The following CFAP96 variants were observed in gnomAD, a reference collection of about 807,000 sequenced individuals.
The protein encoded by CFAP96 is cilia and flagella associated protein 96, also known as cilia-and flagella-associated protein 96.
chr4:185,418,047 A>AACACACACACAC, the CFAP96 span, among the ~76,000 whole-genome samples: 1,702 of 143,026 alleles, frequency 0.012, 17 homozygotes, highest in African/African-American at 0.028. Flanking sequence ...TCCATCTCAA[A>AACACACACACAC]ACACACACAC....
At chr4:185,424,727 T>G in the CFAP96 span, among the ~76,000 whole-genome samples, 2 of 152,214 alleles carry the variant, frequency 1.3e-5, no homozygotes, top group African/African-American at 2.4e-5. Flanking sequence ...ATACTGAAGA[T>G]AAAAGTTAGA....
the CFAP96 span, among the ~76,000 whole-genome samples, chr4:185,434,480 CAT>C: frequency 3.3e-5 from 5 of 152,102 alleles, no homozygotes; most frequent in Admixed American, 1.3e-4. Flanking sequence ...AACTTTGACT[CAT>C]GTGGTAATAA....
the CFAP96 span, among the ~76,000 whole-genome samples, chr4:185,434,381 A>ATT: frequency 7.9e-5 from 12 of 152,072 alleles, no homozygotes; most frequent in South Asian, 6.2e-4. Context: ...TAAAAATGTG[A>ATT]TTTTTTTCCT....
chr4:185,416,574 A>G, the CFAP96 span, among the ~76,000 whole-genome samples: 3 of 152,196 alleles, frequency 2.0e-5, no homozygotes, highest in Admixed American at 6.6e-5. Context: ...GGAGGTATCA[A>G]TGTGATTTAC....
chr4:185,435,436 G>A, the CFAP96 span, among the ~76,000 whole-genome samples: 1 of 152,160 alleles, frequency 6.6e-6, no homozygotes, highest in South Asian at 2.1e-4. Flanking sequence ...GACTGTTGCT[G>A]ACAATAGTTA....
chr4:185,443,342 A>ATATTTTTTTTTTTTTTT, the CFAP96 span, among the ~76,000 whole-genome samples: 3 of 26,726 alleles, frequency 1.1e-4, no homozygotes, highest in South Asian at 2.1e-3. Flanking sequence ...ATATATATAT[A>ATATTTTTTTTTTTTTTT]TTTTTTTTTT....
chr4:185,416,130 G>C, the CFAP96 span: 2 of 264,658 alleles, frequency 7.6e-6, no homozygotes, highest in African/African-American at 2.2e-5. Flanking sequence ...CTGTACTACA[G>C]TAAAAAGATT....
the CFAP96 span, among the ~76,000 whole-genome samples, chr4:185,428,418 A>T: frequency 6.6e-6 from 1 of 151,886 alleles, no homozygotes; most frequent in African/African-American, 2.4e-5. Context: ...TACTAAAAAT[A>T]CAAAAACAGC....
the CFAP96 span, chr4:185,415,492 G>T: frequency 1.2e-6 from 1 of 833,398 alleles, no homozygotes; most frequent in East Asian, 2.9e-5. Context: ...CATTATAAAA[G>T]AAACTGTGTA....
the CFAP96 span, chr4:185,415,751 G>A: frequency 7.4e-6 from 12 of 1,613,116 alleles, no homozygotes; most frequent in East Asian, 2.2e-5. Context: ...TAACTGCATC[G>A]ACAGGTAAAG....
chr4:185,424,372 C>A, the CFAP96 span, among the ~76,000 whole-genome samples: 1 of 152,082 alleles, frequency 6.6e-6, no homozygotes, highest in African/African-American at 2.4e-5. Flanking sequence ...ATACTTACTC[C>A]AATCCTCAGA....
At chr4:185,445,512 T>G in the CFAP96 span, 1 of 1,578,776 alleles carries the variant, frequency 6.3e-7, no homozygotes, top group South Asian at 1.1e-5. Flanking sequence ...CTAATGATGC[T>G]TGAGAGTTCT....
At chr4:185,443,342 ATTT>A in the CFAP96 span, among the ~76,000 whole-genome samples, 159 of 26,720 alleles carry the variant, frequency 6.0e-3, 1 homozygote, top group African/African-American at 0.017. Flanking sequence ...ATATATATAT[ATTT>A]TTTTTTTTTT....
the CFAP96 span, among the ~76,000 whole-genome samples, chr4:185,411,992 C>T: frequency 6.6e-6 from 1 of 152,126 alleles, no homozygotes; most frequent in African/African-American, 2.4e-5. Context: ...ATGATGAACA[C>T]AAAACCCATA....
chr4:185,436,116 C>T, the CFAP96 span: 11 of 1,550,618 alleles, frequency 7.1e-6, no homozygotes, highest in Admixed American at 1.2e-4. Context: ...GTCAAAACCT[C>T]GAGAAAAATA....
At chr4:185,425,937 G>GC in the CFAP96 span, 5 of 1,555,662 alleles carry the variant, frequency 3.2e-6, no homozygotes, top group Non-Finnish European at 4.4e-6. Context: ...CCCTGAAGTG[G>GC]TGTCACCGCA....
the CFAP96 span, among the ~76,000 whole-genome samples, chr4:185,428,684 C>T: frequency 4.6e-5 from 7 of 152,022 alleles, no homozygotes; most frequent in African/African-American, 1.7e-4. Context: ...CCAAAGAAAG[C>T]TCAGAGTTGA....
chr4:185,418,742 A>G, the CFAP96 span: 4 of 1,602,476 alleles, frequency 2.5e-6, no homozygotes, highest in Non-Finnish European at 3.4e-6. Flanking sequence ...CACTCAACAC[A>G]TGTTTCAGTG....
the CFAP96 span, chr4:185,418,343 CT>C: frequency 1.1e-6 from 1 of 908,500 alleles, no homozygotes; most frequent in South Asian, 1.8e-5. Flanking sequence ...ATATTCTGAC[CT>C]ATGATAAGAG....
Sources: gnomAD v4.1 joint callset for allele counts (sites outside exome capture counted in the v4.1 genomes callset) on GRCh38, gnomAD v4.1.1 for gene constraint, MANE v1.5 for transcripts, NCBI Gene and HGNC (gene_info 2026-07-23, HGNC 2026-07-21) for gene names.